The following CACNB4 variants were observed in gnomAD, a reference collection of about 807,000 sequenced individuals.
The protein encoded by CACNB4 is voltage-dependent L-type calcium channel subunit beta-4.
In CACNB4, 32 loss-of-function variants were observed where a neutral mutation model predicts 71.2. The ratio of observed to expected loss-of-function variants is 0.45; its 90% confidence interval spans 0.34 to 0.60. The LOEUF is 0.60. CACNB4 is among the 20% of genes least tolerant of loss of function. The pLI, the probability that CACNB4 is intolerant of heterozygous loss-of-function variation, is 0.01. For synonymous variants in CACNB4, 231 were observed against 236.9 expected, an observed-to-expected ratio of 0.97 and a Z score of 0.23; for missense variants, 464 against 647.9, an observed-to-expected ratio of 0.72 and a Z score of 3.08.
chr2:151,924,110 G>A (rs1474073156), intron 2 of CACNB4, among the ~76,000 whole-genome samples: 1 of 112,064 alleles, frequency 8.9e-6, no homozygotes, highest in Non-Finnish European at 1.7e-5. Context: ...ACAGAGTCTC[G>A]CTCTGTCGCC....
chr2:151,916,306 G>C (rs1037585292), intron 2 of CACNB4, among the ~76,000 whole-genome samples: 1 of 147,344 alleles, frequency 6.8e-6, no homozygotes, highest in Non-Finnish European at 1.5e-5. Flanking sequence ...TGGTCCTCTT[G>C]TGTGTGATTT....
At chr2:151,925,669 A>T (rs7580901) in intron 2 of CACNB4, among the ~76,000 whole-genome samples, 21,587 of 136,078 alleles carry the variant, frequency 0.16, 3,216 homozygotes, top group African/African-American at 0.38. Flanking sequence ...ACATCCAAAT[A>T]TAGGGATAGA....
intron 12 of CACNB4, chr2:151,853,166 T>C (rs186312826): frequency 5.3e-4 from 167 of 314,256 alleles, no homozygotes; most frequent in African/African-American, 2.7e-3. Context: ...GGAGGCTGAA[T>C]GCTAAGTGGT....
intron 5 of CACNB4, chr2:151,874,991 T>C (rs1008758345): frequency 1.0e-5 from 4 of 399,388 alleles, no homozygotes; most frequent in African/African-American, 8.3e-5. Context: ...GAAGGTACTA[T>C]CAGTGCCGGG....
rs1683390280 is a variant in CACNB4 at position 152,017,135 on chromosome 2, C to T, written c.147+81195G>A. On this transcript the variant is annotated intron_variant, in intron 2 of 13. Transcript: ENST00000539935. The stretch of plus-strand genomic sequence containing the variant: ...TAAGAACACAGGCACAGCACCCACT[C>T]CAATAGTTATCAAGCTCTAGGGCAT... Among the ~76,000 whole-genome samples the T allele has an allele frequency of 1.3e-5, 2 of 149,742 alleles. 1 individual carries two copies. The highest frequency in any genetic ancestry group is 5.1e-5 in the African/African-American group (2 of 39,100).
intron 2 of CACNB4, among the ~76,000 whole-genome samples, chr2:152,030,151 A>G (rs1963671): frequency 0.3 from 45,255 of 151,784 alleles, 6,979 homozygotes; most frequent in Middle Eastern, 0.46. Flanking sequence ...TTTATTCACT[A>G]TTTAGTTGCT....
chr2:151,944,803 G>A (rs560290979), intron 2 of CACNB4, among the ~76,000 whole-genome samples: 15 of 152,224 alleles, frequency 9.9e-5, no homozygotes, highest in African/African-American at 3.6e-4. Flanking sequence ...ACAACAAAAA[G>A]TTACAACTGA....
chr2:151,953,232 C>T (rs1438261886), intron 2 of CACNB4, among the ~76,000 whole-genome samples: 1 of 152,206 alleles, frequency 6.6e-6, no homozygotes, highest in Middle Eastern at 3.2e-3. Flanking sequence ...GCAAAGGAAG[C>T]TCCCTCCTGC....
intron 2 of CACNB4, among the ~76,000 whole-genome samples, chr2:151,976,213 C>A (rs556980808): frequency 6.6e-6 from 1 of 152,294 alleles, no homozygotes; most frequent in African/African-American, 2.4e-5. Context: ...TGCCTGCTTT[C>A]CAGGAAGTCA....
intron 2 of CACNB4, among the ~76,000 whole-genome samples, chr2:152,064,581 C>T (rs887554896): frequency 2.0e-5 from 3 of 152,098 alleles, no homozygotes; most frequent in Non-Finnish European, 2.9e-5. Context: ...CAGGGTTTCA[C>T]CATGTTGGCC....
chr2:152,086,138 A>G (rs1687649040), intron 2 of CACNB4, among the ~76,000 whole-genome samples: 2 of 152,232 alleles, frequency 1.3e-5, no homozygotes, highest in Non-Finnish European at 2.9e-5. Flanking sequence ...TATCCATGGT[A>G]CACATTTCTC....
chr2:151,853,352 C>T (rs2099839516), intron 12 of CACNB4, 96 bp downstream of exon 12: 1 of 683,728 alleles, frequency 1.5e-6, no homozygotes, highest in Admixed American at 3.2e-5. Context: ...CCATCATCAC[C>T]ATCATTTTAG....
intron 2 of CACNB4, among the ~76,000 whole-genome samples, chr2:152,007,347 T>C (rs1356072804): frequency 2.0e-5 from 3 of 152,214 alleles, no homozygotes. Context: ...AAAAAGAAAC[T>C]CTGTACCCAT....
At chr2:151,974,807 T>C (rs78268079) in intron 2 of CACNB4, among the ~76,000 whole-genome samples, 1,680 of 71,746 alleles carry the variant, frequency 0.023, 41 homozygotes, top group African/African-American at 0.075. Context: ...TAGAACTTTC[T>C]GGTCAACCAA....
intron 2 of CACNB4, among the ~76,000 whole-genome samples, chr2:152,019,392 T>C (rs1335483177): frequency 2.0e-5 from 3 of 152,166 alleles, no homozygotes; most frequent in Admixed American, 6.5e-5. Flanking sequence ...GAGTGTATGA[T>C]AGATGAGATA....
chr2:152,070,710 T>C (rs563323062), intron 2 of CACNB4, among the ~76,000 whole-genome samples: 2 of 152,242 alleles, frequency 1.3e-5, no homozygotes, highest in African/African-American at 4.8e-5. Flanking sequence ...CAATAGTTAA[T>C]CATTTCAGCA....
At chr2:151,864,518 C>A (rs62175663) in intron 9 of CACNB4, among the ~76,000 whole-genome samples, 4,516 of 152,246 alleles carry the variant, frequency 0.03, 63 homozygotes, top group African/African-American at 0.04. Flanking sequence ...TTGCTACATC[C>A]AATATGCAGC....
chr2:152,071,741 A>G (rs559099501), intron 2 of CACNB4, among the ~76,000 whole-genome samples: 2 of 152,366 alleles, frequency 1.3e-5, no homozygotes, highest in South Asian at 2.1e-4. Flanking sequence ...TGGAAGTACA[A>G]TGGTATCTTT....
At chr2:151,921,141 A>C (rs557619975) in intron 2 of CACNB4, among the ~76,000 whole-genome samples, 766 of 12,992 alleles carry the variant, frequency 0.059, 6 homozygotes, top group African/African-American at 0.074. Flanking sequence ...CGTCTCAAAA[A>C]TAAATAAATA....
Sources: allele counts gnomAD v4.1 joint callset (sites outside exome capture counted in the v4.1 genomes callset), GRCh38; gene constraint gnomAD v4.1.1; transcripts MANE v1.5; gene names NCBI Gene and HGNC (gene_info 2026-07-23, HGNC 2026-07-21).